ARHGAP15: variants seen among roughly 807,000 people sequenced by gnomAD.
ARHGAP15 encodes the protein Rho GTPase activating protein 15.
ARHGAP15 carries 51 observed loss-of-function variants against 63.7 expected under a neutral mutation model. The ratio of observed to expected loss-of-function variants is 0.80; its 90% CI spans 0.64 to 1.01. ARHGAP15 has a LOEUF of 1.01. Ranked by LOEUF, ARHGAP15 falls within the 50% of genes least tolerant of loss-of-function variation. The pLI is 0.00. For synonymous variants in ARHGAP15, 191 were observed against 193.8 expected (o/e 0.99, Z 0.12); for missense variants, 560 against 564.6 (o/e 0.99, Z 0.08).
chr2:143,254,804 T>A (rs1342342994), intron 6 of ARHGAP15, among the ~76,000 whole-genome samples: 1 of 152,020 alleles, frequency 6.6e-6, no homozygotes, highest in Non-Finnish European at 1.5e-5. Flanking sequence ...TTTAGCTGAA[T>A]AATTGTTACT....
chr2:143,639,597 G>A (rs1169695719), intron 12 of ARHGAP15, among the ~76,000 whole-genome samples: 1 of 152,054 alleles, frequency 6.6e-6, no homozygotes, highest in Admixed American at 6.6e-5. Flanking sequence ...ATGCTTAAAG[G>A]TAGAAAGAAG....
intron 13 of ARHGAP15, among the ~76,000 whole-genome samples, chr2:143,709,125 TAAA>T (rs555447434): frequency 3.5e-4 from 54 of 152,330 alleles, no homozygotes; most frequent in African/African-American, 1.3e-3. Context: ...ATTTCCATGA[TAAA>T]AATAATACAT....
chr2:143,592,693 T>C (rs971932527), intron 11 of ARHGAP15, among the ~76,000 whole-genome samples: 2 of 152,180 alleles, frequency 1.3e-5, no homozygotes, highest in African/African-American at 4.8e-5. Flanking sequence ...ACTTAACTCT[T>C]TAAACACAAG....
At chr2:143,316,080 CT>C (rs1425763951) in intron 6 of ARHGAP15, among the ~76,000 whole-genome samples, 1 of 151,978 alleles carries the variant, frequency 6.6e-6, no homozygotes, top group Non-Finnish European at 1.5e-5. Context: ...GAGCGAAACT[CT>C]GTCTCAAAAA....
At chr2:143,711,617 T>C (rs1245789010) in intron 13 of ARHGAP15, among the ~76,000 whole-genome samples, 1 of 152,218 alleles carries the variant, frequency 6.6e-6, no homozygotes, top group Non-Finnish European at 1.5e-5. Flanking sequence ...TACCATACAG[T>C]CTGATAAGGA....
chr2:143,223,983 G>A (rs1241800284), intron 4 of ARHGAP15, among the ~76,000 whole-genome samples: 2 of 152,170 alleles, frequency 1.3e-5, no homozygotes, highest in African/African-American at 4.8e-5. Flanking sequence ...CAGTTTTTGA[G>A]GAATGTCTTA....
intron 10 of ARHGAP15, among the ~76,000 whole-genome samples, chr2:143,543,916 T>C (rs188919005): frequency 2.3e-4 from 35 of 152,292 alleles, no homozygotes; most frequent in African/African-American, 8.4e-4. Context: ...GCTGAGAAGT[T>C]AGGTCTCTCC....
chr2:143,228,915 C>T (rs892474700), intron 5 of ARHGAP15, among the ~76,000 whole-genome samples: 2 of 152,008 alleles, frequency 1.3e-5, no homozygotes, highest in South Asian at 2.1e-4. Context: ...TGTAGTAATG[C>T]GAAGGTAACA....
At chr2:143,276,819 A>C (rs1455124469) in intron 6 of ARHGAP15, among the ~76,000 whole-genome samples, 1 of 152,154 alleles carries the variant, frequency 6.6e-6, no homozygotes, top group Non-Finnish European at 1.5e-5. Flanking sequence ...AAACAAAAAA[A>C]CTTTAGTGCC....
chr2:143,235,911 G>A (rs777104092), intron 5 of ARHGAP15: 1 of 1,529,992 alleles, frequency 6.5e-7, no homozygotes, highest in Non-Finnish European at 8.8e-7. Flanking sequence ...TTTGCAGCTT[G>A]ACTCCTAAGT....
At chr2:143,466,842 C>T (rs1691237045) in intron 8 of ARHGAP15, among the ~76,000 whole-genome samples, 1 of 152,060 alleles carries the variant, frequency 6.6e-6, no homozygotes, top group Non-Finnish European at 1.5e-5. Context: ...GATGAAACAA[C>T]ACCCATTACA....
At chr2:143,153,867 C>CTCT (rs1558779787) in intron 1 of ARHGAP15, among the ~76,000 whole-genome samples, 6 of 82,114 alleles carry the variant, frequency 7.3e-5, no homozygotes, top group Admixed American at 1.6e-4. Context: ...CCTCCTCCTC[C>CTCT]TCCTCTTCCT....
At chr2:143,724,513 T>C (rs925511083) in intron 13 of ARHGAP15, among the ~76,000 whole-genome samples, 2 of 152,242 alleles carry the variant, frequency 1.3e-5, no homozygotes, top group Admixed American at 6.5e-5. Flanking sequence ...TTAACTTTAA[T>C]CCTTCAGGGC....
intron 6 of ARHGAP15, among the ~76,000 whole-genome samples, chr2:143,263,206 G>A (rs904223189): frequency 1.3e-4 from 20 of 152,130 alleles, no homozygotes; most frequent in Non-Finnish European, 1.2e-4. Context: ...TTAAGATCAC[G>A]TGCCTGGTGT....
chr2:143,717,166 G>A (rs1684844453), intron 13 of ARHGAP15, among the ~76,000 whole-genome samples: 1 of 152,234 alleles, frequency 6.6e-6, no homozygotes, highest in South Asian at 2.1e-4. Flanking sequence ...TCTTTAAATG[G>A]AAAGCACTGA....
At chr2:143,333,066 T>C (rs1241462125) in intron 6 of ARHGAP15, among the ~76,000 whole-genome samples, 1 of 151,824 alleles carries the variant, frequency 6.6e-6, no homozygotes, top group East Asian at 1.9e-4. Flanking sequence ...ACTGGCAACC[T>C]GACCAGACAT....
chr2:143,741,451 G>A (rs1027389114), intron 13 of ARHGAP15, among the ~76,000 whole-genome samples: 1 of 152,122 alleles, frequency 6.6e-6, no homozygotes, highest in Non-Finnish European at 1.5e-5. Flanking sequence ...CCCCCAAAAA[G>A]GTTGGAATGA....
intron 12 of ARHGAP15, among the ~76,000 whole-genome samples, chr2:143,702,792 C>T (rs376154249): frequency 4.6e-5 from 7 of 152,090 alleles, no homozygotes; most frequent in Non-Finnish European, 7.4e-5. Flanking sequence ...TTTCTGCTCC[C>T]GTTGTCACAT....
chr2:143,443,682 ATGTTG>A (rs1558975445), intron 8 of ARHGAP15, among the ~76,000 whole-genome samples: 1 of 152,208 alleles, frequency 6.6e-6, no homozygotes, highest in Non-Finnish European at 1.5e-5. Flanking sequence ...AATGACATTT[ATGTTG>A]TTAAAGCTGC....
Sources: gnomAD v4.1 joint callset for allele counts (sites outside exome capture counted in the v4.1 genomes callset) on GRCh38, gnomAD v4.1.1 for gene constraint, MANE v1.5 for transcripts, NCBI Gene and HGNC (gene_info 2026-07-23, HGNC 2026-07-21) for gene names.